The following ZNF536 variants were observed in gnomAD, a reference collection of about 807,000 sequenced individuals.
ZNF536 encodes the protein zinc finger protein 536.
A neutral mutation model predicts 84.5 loss-of-function variants in ZNF536; 13 were observed. The ratio of observed to expected loss-of-function variants is 0.15; its 90% CI spans 0.10 to 0.24. The LOEUF (loss-of-function observed/expected upper bound fraction) is 0.24. Among genes scored for constraint, ZNF536 ranks in the 10% least tolerant of loss-of-function variants. The pLI is 1.00. For synonymous variants in ZNF536, 811 were observed against 742.5 expected (o/e 1.09, Z -1.50); for missense variants, 1,536 against 1,747.5 (o/e 0.88, Z 2.16).
chr19:30,589,343 G>C (rs140641763), intron 1 of ZNF536, among the ~76,000 whole-genome samples: 3 of 152,300 alleles, frequency 2.0e-5, no homozygotes, highest in East Asian at 3.9e-4. Context: ...CAGCGATGTT[G>C]ACTCTTCCTG....
At chr19:30,648,226 G>A (rs1393747854) in intron 1 of ZNF536, among the ~76,000 whole-genome samples, 3 of 152,154 alleles carry the variant, frequency 2.0e-5, no homozygotes, top group African/African-American at 7.2e-5. Flanking sequence ...AAGGGGCTGG[G>A]CCCACAAGAA....
intron 2 of ZNF536, among the ~76,000 whole-genome samples, chr19:30,308,971 C>T (rs568555655): frequency 6.6e-6 from 1 of 152,256 alleles, no homozygotes; most frequent in Admixed American, 6.5e-5. Context: ...CCCTGCCCAA[C>T]TTAACCACAC....
intron 1 of ZNF536, among the ~76,000 whole-genome samples, chr19:30,692,328 T>A (rs1044932434): frequency 9.9e-5 from 15 of 152,142 alleles, no homozygotes; most frequent in South Asian, 6.2e-4. Context: ...ATTAATCAAA[T>A]TTTTTTCCCC....
At chr19:30,595,297 A>AT (rs1056941918) in intron 1 of ZNF536, among the ~76,000 whole-genome samples, 2 of 151,698 alleles carry the variant, frequency 1.3e-5, no homozygotes, top group Non-Finnish European at 2.9e-5. Context: ...TTTTTTAATT[A>AT]TTTTTTAAGA....
At chr19:30,511,515 T>C (rs899231397) in intron 2 of ZNF536, among the ~76,000 whole-genome samples, 5 of 152,134 alleles carry the variant, frequency 3.3e-5, no homozygotes, top group Non-Finnish European at 4.4e-5. Context: ...GGGGAAGGAA[T>C]GGAACGAATT....
At chr19:30,483,627 A>G (rs779573485) in intron 2 of ZNF536, among the ~76,000 whole-genome samples, 4 of 152,096 alleles carry the variant, frequency 2.6e-5, no homozygotes, top group Non-Finnish European at 5.9e-5. Flanking sequence ...CTGAATCTCC[A>G]CATTTGAGGT....
intron 1 of ZNF536, among the ~76,000 whole-genome samples, chr19:30,573,311 T>G (rs1025919497): frequency 6.6e-6 from 1 of 152,172 alleles, no homozygotes; most frequent in African/African-American, 2.4e-5. Flanking sequence ...AGTAATAGTT[T>G]GTGGTAGTGA....
chr19:30,422,370 A>G (rs143158702), intron 1 of ZNF536, among the ~76,000 whole-genome samples: 30 of 152,260 alleles, frequency 2.0e-4, no homozygotes, highest in African/African-American at 7.2e-4. Flanking sequence ...TTTTCTAGAA[A>G]GGACTAAAGA....
chr19:30,644,973 C>T (rs1326573715), intron 1 of ZNF536, among the ~76,000 whole-genome samples: 1 of 152,194 alleles, frequency 6.6e-6, no homozygotes, highest in Non-Finnish European at 1.5e-5. Context: ...AACTAGCTTA[C>T]AGTCCCACCA....
intron 1 of ZNF536, among the ~76,000 whole-genome samples, chr19:30,397,233 A>G (rs1216190709): frequency 6.6e-6 from 1 of 152,222 alleles, no homozygotes; most frequent in Non-Finnish European, 1.5e-5. Flanking sequence ...CCACCTTTGC[A>G]TTATAAATGG....
At chr19:30,383,715 CT>C (rs1244898575) in intron 1 of ZNF536, among the ~76,000 whole-genome samples, 2 of 40,366 alleles carry the variant, frequency 5.0e-5, no homozygotes, top group African/African-American at 1.7e-4. Flanking sequence ...TTCTTTCTTT[CT>C]TTCTTTCTTT....
intron 1 of ZNF536, among the ~76,000 whole-genome samples, chr19:30,584,298 G>A (rs191740498): frequency 1.7e-3 from 252 of 152,302 alleles, no homozygotes; most frequent in African/African-American, 5.5e-3. Context: ...GGCAGATAAC[G>A]CCTCTTAGCT....
At chr19:30,640,396 A>T (rs1290047175) in intron 1 of ZNF536, among the ~76,000 whole-genome samples, 1 of 152,230 alleles carries the variant, frequency 6.6e-6, no homozygotes, top group Non-Finnish European at 1.5e-5. Context: ...AACGTCTTAA[A>T]TAACTAAAAC....
At chr19:30,460,866 G>A (rs2053102462) in intron 2 of ZNF536, among the ~76,000 whole-genome samples, 1 of 152,136 alleles carries the variant, frequency 6.6e-6, no homozygotes, top group Admixed American at 6.5e-5. Flanking sequence ...TGCAGGGCCT[G>A]GGATGTCCTC....
chr19:30,635,048 C>T (rs2049015757), intron 1 of ZNF536, among the ~76,000 whole-genome samples: 1 of 149,086 alleles, frequency 6.7e-6, no homozygotes, highest in South Asian at 2.2e-4. Context: ...TACAAACAGG[C>T]TGGGAGAGAA....
intron 1 of ZNF536, among the ~76,000 whole-genome samples, chr19:30,664,554 G>A (rs2050248543): frequency 2.0e-5 from 3 of 152,128 alleles, no homozygotes; most frequent in African/African-American, 7.2e-5. Flanking sequence ...TAACTTCTCT[G>A]AATCTCACCG....
chr19:30,508,674 G>A (rs2055272781), intron 2 of ZNF536, among the ~76,000 whole-genome samples: 1 of 152,070 alleles, frequency 6.6e-6, no homozygotes, highest in South Asian at 2.1e-4. Context: ...TTCACTGACA[G>A]CAGTGAGGGT....
At chr19:30,485,021 G>A (rs1047751507) in intron 2 of ZNF536, among the ~76,000 whole-genome samples, 2 of 152,006 alleles carry the variant, frequency 1.3e-5, no homozygotes, top group Admixed American at 6.6e-5. Flanking sequence ...GCAGGCACCT[G>A]TAGTCCCAGC....
intron 1 of ZNF536, among the ~76,000 whole-genome samples, chr19:30,403,941 G>C (rs1205478866): frequency 2.0e-5 from 3 of 151,922 alleles, no homozygotes; most frequent in African/African-American, 7.3e-5. Context: ...AAGAACTCAT[G>C]GGAATTGAAG....
Sources: gnomAD v4.1 joint callset for allele counts (sites outside exome capture counted in the v4.1 genomes callset) on GRCh38, gnomAD v4.1.1 for gene constraint, MANE v1.5 for transcripts, NCBI Gene and HGNC (gene_info 2026-07-23, HGNC 2026-07-21) for gene names.